The following ADGRV1 variants were observed in gnomAD, a reference collection of about 807,000 sequenced individuals.
ADGRV1 encodes adhesion G protein-coupled receptor V1, also known as G-protein coupled receptor 98.
ADGRV1 carries 359 observed loss-of-function variants against 596.2 expected under a neutral mutation model. The observed-to-expected ratio is 0.60, with a 90% confidence interval of 0.55 to 0.66. The LOEUF is 0.66. Ranked by LOEUF, ADGRV1 falls within the 30% of genes least tolerant of loss-of-function variation. The pLI is 0.00. For synonymous variants in ADGRV1, 2,681 were observed against 2,679.2 expected (o/e 1.00, Z -0.02); for missense variants, 7,274 against 7,575.6 (o/e 0.96, Z 1.48).
chr5:91,060,614 A>G (rs1264422220), intron 85 of ADGRV1, among the ~76,000 whole-genome samples: 2 of 152,174 alleles, frequency 1.3e-5, no homozygotes, highest in African/African-American at 4.8e-5. Context: ...AGAAATGTAT[A>G]GTGTATTTTA....
At chr5:91,088,242 C>G (rs1790057712) in intron 86 of ADGRV1, among the ~76,000 whole-genome samples, 1 of 152,126 alleles carries the variant, frequency 6.6e-6, no homozygotes, top group Non-Finnish European at 1.5e-5. Flanking sequence ...GATTCTTATA[C>G]TCATTGAATT....
intron 49 of ADGRV1, 90 bp downstream of exon 49, chr5:90,729,023 A>T (rs531516186): frequency 1.1e-6 from 1 of 904,720 alleles, no homozygotes; most frequent in African/African-American, 1.7e-5. Flanking sequence ...TGCTCTTGCA[A>T]TAATTTTTTA....
intron 20 of ADGRV1, chr5:90,654,869 C>T (rs567658157): frequency 6.6e-6 from 1 of 152,194 alleles, no homozygotes; most frequent in South Asian, 2.1e-4. Context: ...CTACAAGTAT[C>T]TGTTAGCCTT....
chr5:90,968,508 A>G (rs1778671912), intron 84 of ADGRV1, among the ~76,000 whole-genome samples: 1 of 152,224 alleles, frequency 6.6e-6, no homozygotes, highest in African/African-American at 2.4e-5. Flanking sequence ...GGCTTAGGAA[A>G]GCTATTTAAA....
At chr5:91,010,424 C>A (rs1389898533) in intron 85 of ADGRV1, among the ~76,000 whole-genome samples, 1 of 152,036 alleles carries the variant, frequency 6.6e-6, no homozygotes, top group Non-Finnish European at 1.5e-5. Context: ...TTTTCATTGA[C>A]TTTTGTTTGG....
intron 78 of ADGRV1, among the ~76,000 whole-genome samples, chr5:90,842,010 T>G (rs755951185): frequency 6.6e-6 from 1 of 152,230 alleles, no homozygotes; most frequent in East Asian, 1.9e-4. Context: ...ACTTGAATTT[T>G]CTAATGGCCC....
In ADGRV1 at chr5:90,610,051, A is replaced by G. The variant is rs763879228; in HGVS notation, c.23-4784A>G. Reference sequence around the variant, plus strand: ...CTCTTCCTTATTCTACTCCGTTTCTATATAGTTATTGAGACATAGAAAAAA... The same window carrying G: ...CTCTTCCTTATTCTACTCCGTTTCTGTATAGTTATTGAGACATAGAAAAAA... On this transcript the variant is annotated intron_variant, in intron 1 of 89. Transcript: ENST00000405460. Among the ~76,000 whole-genome samples the G allele has an allele frequency of 7.9e-5, 12 of 152,146 alleles. No individual in the cohort carries two copies. In the South Asian group the frequency reaches 1.0e-3, roughly 13 times the overall value.
chr5:90,635,056 T>A, intron 9 of ADGRV1, 58 bp from the exon 10 acceptor site: 2 of 1,193,840 alleles, frequency 1.7e-6, no homozygotes, highest in Non-Finnish European at 2.4e-6. Flanking sequence ...GTTAAGCTTT[T>A]TTAAAAAATT....
chr5:91,097,785 T>C (rs1335043062), intron 86 of ADGRV1, among the ~76,000 whole-genome samples: 1 of 152,232 alleles, frequency 6.6e-6, no homozygotes, highest in Non-Finnish European at 1.5e-5. Flanking sequence ...TATGAAATGG[T>C]ATCACGGTGG....
At chr5:91,096,815 T>C (rs1238342692) in intron 86 of ADGRV1, among the ~76,000 whole-genome samples, 1 of 152,182 alleles carries the variant, frequency 6.6e-6, no homozygotes, top group Non-Finnish European at 1.5e-5. Flanking sequence ...CTATCCATGT[T>C]TCCAGAACTT....
chr5:91,121,946 A>G (rs1793351741), intron 87 of ADGRV1, among the ~76,000 whole-genome samples: 1 of 152,046 alleles, frequency 6.6e-6, no homozygotes, highest in Non-Finnish European at 1.5e-5. Context: ...GCTTCTATAA[A>G]GGTCAGTATG....
intron 86 of ADGRV1, among the ~76,000 whole-genome samples, chr5:91,092,300 T>C (rs1219037497): frequency 1.3e-5 from 2 of 152,122 alleles, no homozygotes; most frequent in East Asian, 1.9e-4. Context: ...GGTTTCACCA[T>C]GTTGGCCAAG....
chr5:90,943,037 T>C (rs1385221865), intron 83 of ADGRV1, among the ~76,000 whole-genome samples: 2 of 152,190 alleles, frequency 1.3e-5, no homozygotes, highest in African/African-American at 4.8e-5. Context: ...CAAGATTTGA[T>C]GACTGACTAA....
Position 90,803,255 on chromosome 5 carries a change from G to A in ADGRV1, c.14661+373G>A, listed in dbSNP as rs138185318. Among the ~76,000 whole-genome samples the A allele has an allele frequency of 1.6e-4, 25 of 152,228 alleles. No homozygotes were observed. The East Asian group carries it at 4.1e-3, about 25-fold the overall frequency. On this transcript the variant is annotated intron_variant, in intron 71 of 89. Coordinates refer to ENST00000405460, the MANE Select transcript of ADGRV1 (RefSeq NM_032119.4). ...TTTACAGGGGCGAGTTTGTCTTGAT[G>A]TAGATAAATGCTGATGGTCAGATCC... is the stretch of plus-strand genomic sequence containing the variant.
intron 84 of ADGRV1, among the ~76,000 whole-genome samples, chr5:90,970,660 A>G (rs1157261604): frequency 1.3e-5 from 2 of 152,128 alleles, no homozygotes; most frequent in Admixed American, 1.3e-4. Flanking sequence ...TGTTAGAAGG[A>G]AAACTGACAA....
At chr5:90,572,867 A>G (rs1756724830) in intron 1 of ADGRV1, among the ~76,000 whole-genome samples, 1 of 152,178 alleles carries the variant, frequency 6.6e-6, no homozygotes. Context: ...GAGGAAGGAT[A>G]CGTCAGAGAA....
intron 85 of ADGRV1, among the ~76,000 whole-genome samples, chr5:91,061,975 G>C (rs182827264): frequency 5.3e-5 from 8 of 152,172 alleles, no homozygotes; most frequent in Non-Finnish European, 8.8e-5. Flanking sequence ...CAAGTTGAAG[G>C]GGGGTGGGAG....
intron 85 of ADGRV1, among the ~76,000 whole-genome samples, chr5:91,058,562 A>T (rs1046765437): frequency 6.6e-6 from 1 of 151,980 alleles, no homozygotes; most frequent in Non-Finnish European, 1.5e-5. Context: ...ATCCCTAGAA[A>T]AGCCCCTGAA....
At chr5:90,902,819 G>A (rs1581464698) in intron 83 of ADGRV1, among the ~76,000 whole-genome samples, 1 of 152,202 alleles carries the variant, frequency 6.6e-6, no homozygotes, top group South Asian at 2.1e-4. Context: ...TAGTTTTCAA[G>A]TGTTGGCCTC....
Sources: gnomAD v4.1 joint callset for allele counts (sites outside exome capture counted in the v4.1 genomes callset) on GRCh38, gnomAD v4.1.1 for gene constraint, MANE v1.5 for transcripts, NCBI Gene and HGNC (gene_info 2026-07-23, HGNC 2026-07-21) for gene names.